FREM1: variants seen among roughly 807,000 people sequenced by gnomAD.
FREM1 encodes the protein FRAS1-related extracellular matrix protein 1.
In FREM1, 220 loss-of-function variants were observed where a neutral mutation model predicts 210.1. The observed-to-expected ratio is 1.05, with a 90% CI of 0.94 to 1.17. The LOEUF (loss-of-function observed/expected upper bound fraction) is 1.17. FREM1 is among the 50% of genes most tolerant of loss of function. The probability of loss-of-function intolerance (pLI) is 0.00; values close to 1 mark genes in which losing one functional copy is unlikely to be tolerated. For synonymous variants in FREM1, 1,189 were observed against 980.2 expected, an observed-to-expected ratio of 1.21 and a Z score of -3.98; for missense variants, 3,454 against 2,675.5, an observed-to-expected ratio of 1.29 and a Z score of -6.42.
At chr9:14,809,828 C>T (rs1389738) in intron 16 of FREM1, among the ~76,000 whole-genome samples, 130,812 of 152,146 alleles carry the variant, frequency 0.86, 56,629 homozygotes, top group East Asian at 0.97. Context: ...CGTCAGGCAC[C>T]GATACTGTCT....
At chr9:14,907,959 G>A (rs1283457814) in intron 1 of FREM1, among the ~76,000 whole-genome samples, 2 of 152,182 alleles carry the variant, frequency 1.3e-5, no homozygotes, top group East Asian at 1.9e-4. Context: ...GAAACACCAT[G>A]AGGACAAGGA....
chr9:14,743,231 C>T (rs1233843254), intron 35 of FREM1, among the ~76,000 whole-genome samples: 1 of 151,878 alleles, frequency 6.6e-6, no homozygotes, highest in Non-Finnish European at 1.5e-5. Flanking sequence ...TAATTTAGGC[C>T]TTAAGTTTAT....
chr9:14,769,614 ATTAAT>A lies in FREM1; in HGVS notation c.5204+105_5204+109del. ...ATTCCATGAGCTTGTGAAATGGTCT[ATTAAT>A]TTATCTTCTTGGGTTCTGTTTTAAA... On this transcript the variant is annotated intron_variant, in intron 27 of 36. Coordinates refer to ENST00000380880, the MANE Select transcript of FREM1 (RefSeq NM_001379081.2). 3.5e-6 allele frequency: 4 copies of A among 1,146,762 alleles called. 1 individual carries two copies. The South Asian group carries it at 6.4e-5, about 18-fold the overall frequency. The allele number at this position is 1,146,762 out of a possible 1,614,324, so 71.0% of individuals were successfully genotyped here. A position where few individuals can be genotyped will look rare whatever the true frequency, so the allele number is the denominator to read the frequency against.
At chr9:14,902,538 G>A (rs1263469191) in intron 1 of FREM1, among the ~76,000 whole-genome samples, 1 of 152,156 alleles carries the variant, frequency 6.6e-6, no homozygotes, top group Non-Finnish European at 1.5e-5. Flanking sequence ...ATATTTTCCA[G>A]TAAAGCAATT....
At chr9:14,877,389 AG>A (rs1464580720) in intron 1 of FREM1, among the ~76,000 whole-genome samples, 2 of 131,156 alleles carry the variant, frequency 1.5e-5, no homozygotes, top group African/African-American at 5.7e-5. Flanking sequence ...CCAACTTTTC[AG>A]TTGTTCCTTT....
At position 14,869,070 on chromosome 9, in the gene FREM1, C is replaced by G; in HGVS notation, c.-93G>C. On this transcript the variant is annotated 5_prime_UTR_variant, in exon 2 of 37. Coordinates refer to ENST00000380880, the MANE Select transcript of FREM1 (RefSeq NM_001379081.2). Reference sequence around the variant, plus strand: ...TCCTCCTGGAGGGTCAGCTCATAGTCCAAGGGGCAGGGTGAGGGGTCCTGA... The same window carrying G: ...TCCTCCTGGAGGGTCAGCTCATAGTGCAAGGGGCAGGGTGAGGGGTCCTGA... 1 of 815,182 alleles carries G rather than the reference C, an allele frequency of 1.2e-6. No individual in the cohort carries two copies. 50.5% of individuals were successfully genotyped at this position (815,182 alleles called of 1,614,324 possible). A position where few individuals can be genotyped will look rare whatever the true frequency, so the allele number is the denominator to read the frequency against.
chr9:14,890,791 C>T (rs1334629796), intron 1 of FREM1, among the ~76,000 whole-genome samples: 3 of 152,164 alleles, frequency 2.0e-5, no homozygotes, highest in Non-Finnish European at 4.4e-5. Context: ...AAACTGATTG[C>T]AGAGGGAAAA....
intron 3 of FREM1, 124 bp from the exon 4 acceptor site, chr9:14,859,608 T>G: frequency 1.3e-6 from 1 of 777,244 alleles, no homozygotes; most frequent in East Asian, 2.5e-5. Flanking sequence ...GAGTTTGGAT[T>G]TCATTTCTTG....
At chr9:14,855,894 A>G (rs990718503) in intron 5 of FREM1, among the ~76,000 whole-genome samples, 1 of 152,188 alleles carries the variant, frequency 6.6e-6, no homozygotes, top group East Asian at 1.9e-4. Context: ...TTCAATGGAT[A>G]TAATAAATCA....
intron 1 of FREM1, among the ~76,000 whole-genome samples, chr9:14,902,448 C>T (rs1432317796): frequency 4.6e-5 from 7 of 152,156 alleles, no homozygotes; most frequent in South Asian, 2.1e-4. Context: ...GATTTCCATG[C>T]GCTATCAAGG....
chr9:14,805,048 C>G lies in FREM1; in HGVS notation c.3379G>C (p.Asp1127His), dbSNP rs758201495. The G allele has an allele frequency of 6.2e-7, 1 of 1,613,320 alleles. No individual in the cohort carries two copies. The highest frequency in any genetic ancestry group is 8.5e-7 in the Non-Finnish European group (1 of 1,179,278). ...ATCTCCAAGGAGTGATGCTTCCCAT[C>G]TGTGACGTACACCGTGAACTGGTCG... is the stretch of plus-strand genomic sequence containing the variant. ...TADQFTVYVT[D>H]GKHHSLEIPF... is the part of the protein sequence containing the mutation. The change falls in exon 19 of 37, where the codon GAT becomes CAT. Residue 1127 changes from aspartate (D) to histidine (H), a missense_variant. By Grantham distance (81) the Asp-to-His change is moderately conservative (BLOSUM62 -1). Coordinates refer to ENST00000380880, the MANE Select transcript of FREM1 (RefSeq NM_001379081.2).
intron 10 of FREM1, among the ~76,000 whole-genome samples, chr9:14,828,946 G>C (rs2642414): frequency 0.15 from 22,218 of 152,106 alleles, 2,200 homozygotes; most frequent in East Asian, 0.44. Flanking sequence ...CCTTAAACAA[G>C]TTACTTAACC....
chr9:14,755,478 A>G (rs954187161), intron 29 of FREM1, among the ~76,000 whole-genome samples: 1 of 152,096 alleles, frequency 6.6e-6, no homozygotes, highest in Non-Finnish European at 1.5e-5. Context: ...GGCCCATTGT[A>G]TTTGCCACTC....
chr9:14,778,564 T>G (rs1319396931), intron 24 of FREM1, among the ~76,000 whole-genome samples: 1 of 133,894 alleles, frequency 7.5e-6, no homozygotes, highest in Non-Finnish European at 1.5e-5. Context: ...GCCATGAACG[T>G]GCCACCGCAC....
intron 14 of FREM1, among the ~76,000 whole-genome samples, chr9:14,818,465 C>G (rs969326134): frequency 1.3e-5 from 2 of 152,196 alleles, no homozygotes; most frequent in East Asian, 3.8e-4. Flanking sequence ...TATAATATCT[C>G]CTATCATACT....
chr9:14,868,947 C>T lies in FREM1; in HGVS notation c.31G>A (p.Ala11Thr). The T allele has an allele frequency of 6.3e-7, 1 of 1,594,002 alleles. No homozygotes were observed. The highest frequency in any genetic ancestry group is 8.5e-7 in the Non-Finnish European group (1 of 1,172,348). Residue 11 changes from alanine (A) to threonine (T), a missense_variant, in exon 2 of 37, where the codon GCC becomes ACC. Transcript: ENST00000380880. Reference protein sequence around the residue: MNSLSWGAANAVLLLLLLAWA... With the variant: MNSLSWGAANTVLLLLLLAWA... ...GCCAGGAGGAGCAGCAGCAGCACGG[C>T]ATTCGCAGCCCCCCAACTCAGAGAG...
chr9:14,891,346 G>A (rs1191383232), intron 1 of FREM1, among the ~76,000 whole-genome samples: 1 of 152,208 alleles, frequency 6.6e-6, no homozygotes, highest in Admixed American at 6.5e-5. Flanking sequence ...TGCTGGGATT[G>A]TGAAGACAAA....
rs1284797920 is a variant in FREM1, at chr9:14,772,597, CAT to C, written c.4858-1793_4858-1792del. ...TGTAGTTTATGAATTATTTACAATACATAGTTATTTTATAAACTGAAAAAGCA... is the reference window on the plus strand; with the variant it reads ...TGTAGTTTATGAATTATTTACAATACAGTTATTTTATAAACTGAAAAAGCA... On this transcript the variant is annotated intron_variant, in intron 25 of 36. Transcript: ENST00000380880. Among the ~76,000 whole-genome samples, 37 of 152,184 alleles carry C rather than the reference CAT, an allele frequency of 2.4e-4. 1 individual carries two copies. Among genetic ancestry groups the C allele is most frequent in the African/African-American group, 8.7e-4 (36 of 41,520 alleles).
At position 14,813,040 on chromosome 9, in the gene FREM1, G is replaced by C; in HGVS notation, c.2665C>G (p.Pro889Ala). The change falls in exon 16 of 37, where the codon CCA (proline) becomes GCA (alanine). Residue 889 changes from proline (P) to alanine (A), a missense_variant. Physicochemically the swap from Pro to Ala is conservative, Grantham distance 27. Coordinates refer to ENST00000380880, the MANE Select transcript of FREM1 (RefSeq NM_001379081.2). ...GGCATGAGGTCAGCCTTTAAGACTG[G>C]TGGCTCATCGTTGACAGGGAATACC... is the stretch of plus-strand genomic sequence containing the variant. The part of the protein sequence containing the change: ...VEVFPVNDEP[P>A]VLKADLMPVM... 6.2e-7 allele frequency: 1 copy of C among 1,610,514 alleles called. No individual in the cohort carries two copies. Among genetic ancestry groups the C allele is most frequent in the Non-Finnish European group, 8.5e-7 (1 of 1,177,404 alleles).
Sources: gnomAD v4.1 joint callset for allele counts (sites outside exome capture counted in the v4.1 genomes callset) on GRCh38, gnomAD v4.1.1 for gene constraint, MANE v1.5 for transcripts, NCBI Gene and HGNC (gene_info 2026-07-23, HGNC 2026-07-21) for gene names.